HDLBP: variants seen among roughly 807,000 people sequenced by gnomAD.
HDLBP encodes the protein vigilin.
HDLBP carries 30 observed loss-of-function variants against 137.3 expected under a neutral mutation model. The observed-to-expected ratio is 0.22, with a 90% confidence interval of 0.16 to 0.30. HDLBP has a LOEUF of 0.30. HDLBP is among the 10% of genes least tolerant of loss of function. The pLI is 1.00. For synonymous variants in HDLBP, 606 were observed against 596.0 expected (o/e 1.02, Z -0.24); for missense variants, 1,119 against 1,667.3 (o/e 0.67, Z 5.73).
In HDLBP at chr2:241,237,195, G is replaced by A. The variant is rs149416595; in HGVS notation, c.2750-426C>T. ...GCTCATCAGGGAAGGCGGCCAGCAC[G>A]CAGCCCCACCCAGGAGAGGCAGTGG... On this transcript the variant is annotated intron_variant, in intron 20 of 27. Coordinates refer to ENST00000310931, the MANE Select transcript of HDLBP (RefSeq NM_005336.6). Among the ~76,000 whole-genome samples, 602 of 152,292 alleles carry A rather than the reference G, an allele frequency of 4.0e-3. 4 individuals carry two copies. The highest frequency in any genetic ancestry group is 0.014 in the African/African-American group (573 of 41,550).
At chr2:241,248,383 C>A (rs746585399) in intron 12 of HDLBP, 35 bp from the exon 13 acceptor site, 31 of 1,538,642 alleles carry the variant, frequency 2.0e-5, no homozygotes, top group Non-Finnish European at 2.6e-5. Flanking sequence ...TCATTTATCA[C>A]AAGCACGGCG....
intron 1 of HDLBP, among the ~76,000 whole-genome samples, chr2:241,295,913 A>T (rs1173681593): frequency 6.6e-6 from 1 of 152,156 alleles, no homozygotes; most frequent in Non-Finnish European, 1.5e-5. Flanking sequence ...TGGCCCTGCC[A>T]GATTTCAGAT....
Position 241,272,268 on chromosome 2 carries a change from C to A in HDLBP, c.-102-3727G>T. The stretch of plus-strand genomic sequence containing the variant: ...CCCGCCGCCACCTGGGGGGAAGGAC[C>A]CCGCTGGCCTCCCAGGGACCCCCAC... On this transcript the variant is annotated intron_variant, in intron 1 of 27. Transcript: ENST00000310931. This position sits in a 1 kb window ranked among gnomAD's most constrained non-coding sequence, Gnocchi z 5.6. The A allele has an allele frequency of 1.0e-6, 1 of 975,632 alleles. No individual in the cohort carries two copies. Among genetic ancestry groups the A allele is most frequent in the South Asian group, 4.7e-5 (1 of 21,150 alleles). The allele number at this position is 975,632 out of a possible 1,614,324, so 60.4% of individuals were successfully genotyped here.
rs748088464 is a variant in HDLBP at position 241,230,877 on chromosome 2, C to T, written c.3356G>A (p.Arg1119Lys). ...NTEAARDAIL[R>K]IVGELEQMVS... Reference sequence around the variant, plus strand: ...CATCTGCTCAAGTTCACCCACAATTCTCAGTATAGCATCCCTGGCAGCTTC... The same window carrying T: ...CATCTGCTCAAGTTCACCCACAATTTTCAGTATAGCATCCCTGGCAGCTTC... The change falls in exon 25 of 28, where the codon AGA (arginine) becomes AAA (lysine). Residue 1119 changes from arginine to lysine, a missense_variant. Transcript: ENST00000310931. The surrounding 1 kb of genome is among the most constrained non-coding windows in gnomAD (Gnocchi z 5.0). The T allele has an allele frequency of 5.6e-6, 9 of 1,614,244 alleles. No homozygotes were observed. The East Asian group carries it at 2.0e-4, about 36-fold the overall frequency.
chr2:241,252,918 G>T, intron 11 of HDLBP, 39 bp downstream of exon 11: 1 of 1,441,186 alleles, frequency 6.9e-7, no homozygotes, highest in Non-Finnish European at 9.8e-7. Context: ...AAGGGTCTCA[G>T]GGCACACTGG....
chr2:241,271,116 G>C (rs1574987375), intron 1 of HDLBP: 8 of 985,308 alleles, frequency 8.1e-6, no homozygotes, highest in Admixed American at 6.1e-5. Context: ...CTCCTCCAAG[G>C]CTCCTTCTGG....
intron 16 of HDLBP, among the ~76,000 whole-genome samples, chr2:241,243,142 G>A (rs2149419091): frequency 6.6e-6 from 1 of 152,278 alleles, no homozygotes; most frequent in South Asian, 2.1e-4. Flanking sequence ...CCGCCTAATG[G>A]TGACTTTCAA....
Position 241,282,202 on chromosome 2 carries a change from A to T in HDLBP, c.-102-13661T>A, listed in dbSNP as rs190387813. 2.8e-3 allele frequency among the ~76,000 whole-genome samples: 420 copies of T among 152,332 alleles called. 1 individual carries two copies. The highest frequency in any genetic ancestry group is 9.4e-3 in the African/African-American group (389 of 41,568). On this transcript the variant is annotated intron_variant, in intron 1 of 27. Transcript: ENST00000310931. ...AAGGACTCTTTAATAACCCATTTTT[A>T]AAAAATGGGCAAAAGATACAAGCAG...
At chr2:241,277,822 G>A (rs774871158) in intron 1 of HDLBP, among the ~76,000 whole-genome samples, 10 of 152,098 alleles carry the variant, frequency 6.6e-5, no homozygotes, top group Admixed American at 2.0e-4. Flanking sequence ...TTAGTTGGGC[G>A]TGGTGGTGCA....
chr2:241,283,557 C>A (rs367575232), intron 1 of HDLBP, among the ~76,000 whole-genome samples: 12 of 152,050 alleles, frequency 7.9e-5, no homozygotes, highest in East Asian at 5.8e-4. Flanking sequence ...TCAGTGTAAC[C>A]TCTGCCTCCC....
At chr2:241,299,505 C>CAAAAAAAA (rs11423330) in intron 1 of HDLBP, among the ~76,000 whole-genome samples, 10 of 49,590 alleles carry the variant, frequency 2.0e-4, no homozygotes, top group South Asian at 1.1e-3. Context: ...GGCTCCGTCT[C>CAAAAAAAA]AAAAAAAAAA....
chr2:241,230,169 T>C lies in HDLBP; in HGVS notation c.3575A>G (p.Asn1192Ser). 5.0e-6 allele frequency: 8 copies of C among 1,612,806 alleles called. No individual in the cohort carries two copies. Among genetic ancestry groups the C allele is most frequent in the Non-Finnish European group, 6.8e-6 (8 of 1,178,982 alleles). ...GAGACTCACGTATTCCTCCTCCAGATTGAGGATGTGGTCGATGGCTTCCTC... is the reference window on the plus strand; with the variant it reads ...GAGACTCACGTATTCCTCCTCCAGACTGAGGATGTGGTCGATGGCTTCCTC... Reference protein sequence around the residue: ...NVEEAIDHILNLEEEYLADVV... With the variant: ...NVEEAIDHILSLEEEYLADVV... The change falls in exon 26 of 28, where the codon AAT becomes AGT. Residue 1192 changes from asparagine (N) to serine (S), a missense_variant. Physicochemically the swap from Asn to Ser is conservative, Grantham distance 46 (BLOSUM62 1). Transcript: ENST00000310931. This position sits in a 1 kb window ranked among gnomAD's most constrained non-coding sequence, Gnocchi z 5.0.
chr2:241,239,679 C>T lies in HDLBP; in HGVS notation c.2533G>A (p.Asp845Asn), dbSNP rs757966131. 1.4e-5 allele frequency: 23 copies of T among 1,614,068 alleles called. No individual in the cohort carries two copies. In the African/African-American group the frequency reaches 2.3e-4, roughly 16 times the overall value. Residue 845 changes from aspartate (D) to asparagine (N), a missense_variant, in exon 19 of 28, where the codon GAC (aspartate) becomes AAC (asparagine). Physicochemically the swap from Asp to Asn is conservative, Grantham distance 23 (BLOSUM62 1). Transcript: ENST00000310931. The surrounding 1 kb of genome is among the most constrained non-coding windows in gnomAD (Gnocchi z 4.6). ...TTGGCGCCCTTGAGGGTGACTTTGT[C>T]GCTCTGTGTGCCAGAGCGTGGGAAG... Reference protein sequence around the residue: ...VSFPRSGTQSDKVTLKGAKDC... With the variant: ...VSFPRSGTQSNKVTLKGAKDC...
intron 3 of HDLBP, among the ~76,000 whole-genome samples, chr2:241,264,938 C>T (rs747090331): frequency 8.5e-5 from 13 of 152,210 alleles, no homozygotes; most frequent in Non-Finnish European, 1.5e-4. Flanking sequence ...TGAAAGCAAG[C>T]CTTGCTACGT....
At chr2:241,273,020 T>G (rs2074230593) in intron 1 of HDLBP, 1 of 984,314 alleles carries the variant, frequency 1.0e-6, no homozygotes, top group Non-Finnish European at 1.2e-6. Flanking sequence ...TGCCGAGGAG[T>G]TGGGAAATTA....
intron 1 of HDLBP, among the ~76,000 whole-genome samples, chr2:241,301,945 C>T (rs1366609231): frequency 6.6e-6 from 1 of 151,820 alleles, no homozygotes; most frequent in African/African-American, 2.4e-5. Context: ...TAAAAGAGGC[C>T]GAGGGCCAGG....
At chr2:241,301,756 C>A (rs2075401989) in intron 1 of HDLBP, among the ~76,000 whole-genome samples, 2 of 152,028 alleles carry the variant, frequency 1.3e-5, no homozygotes, top group South Asian at 4.1e-4. Context: ...AAGGGCCATC[C>A]TTTCCTTTCG....
intron 1 of HDLBP, among the ~76,000 whole-genome samples, chr2:241,298,271 C>T (rs1312572085): frequency 6.6e-6 from 1 of 151,894 alleles, no homozygotes; most frequent in Non-Finnish European, 1.5e-5. Context: ...GAGACTGAGG[C>T]AGGAGAATCG....
At chr2:241,255,304 G>A (rs935901484) in intron 8 of HDLBP, 70 bp downstream of exon 8, 25 of 1,471,492 alleles carry the variant, frequency 1.7e-5, no homozygotes, top group African/African-American at 5.6e-5. Context: ...TTTACAAATC[G>A]AGAGCTCATC....
Sources: gnomAD v4.1 joint callset for allele counts (sites outside exome capture counted in the v4.1 genomes callset) on GRCh38, gnomAD v4.1.1 for gene constraint, Gnocchi (gnomAD v3.1) non-coding constraint, MANE v1.5 for transcripts, NCBI Gene and HGNC (gene_info 2026-07-23, HGNC 2026-07-21) for gene names.